The following STK11 variants were observed in gnomAD, a reference collection of about 807,000 sequenced individuals.
The protein encoded by STK11 is serine/threonine-protein kinase STK11.
Under a neutral mutation model 47.3 loss-of-function variants are expected in STK11, and 8 were observed. The observed-to-expected ratio is 0.17, with a 90% CI of 0.10 to 0.31. The LOEUF is 0.31. STK11 is among the 10% of genes least tolerant of loss of function. STK11 has a pLI of 1.00. For missense variants in STK11, 475 were observed against 605.0 expected, an observed-to-expected ratio of 0.79 and a Z score of 2.25; for synonymous variants, 330 against 255.8, an observed-to-expected ratio of 1.29 and a Z score of -2.77.
At chr19:1,222,606 G>T (rs1353177889) in intron 7 of STK11, among the ~76,000 whole-genome samples, 1 of 152,088 alleles carries the variant, frequency 6.6e-6, no homozygotes, top group African/African-American at 2.4e-5. Flanking sequence ...TGCACAGCTC[G>T]GGTCATCTGG....
intron 8 of STK11, chr19:1,224,037 G>T (rs927208976): frequency 2.0e-6 from 2 of 1,004,234 alleles, no homozygotes; most frequent in South Asian, 4.7e-5. Flanking sequence ...CCCCGGGCCC[G>T]AGGGTCCCAG....
intron 1 of STK11, among the ~76,000 whole-genome samples, chr19:1,213,945 C>G (rs1003316695): frequency 6.6e-6 from 1 of 152,246 alleles, no homozygotes; most frequent in Non-Finnish European, 1.5e-5. Flanking sequence ...AGGCTCCTAG[C>G]CCCACCTCTC....
chr19:1,209,499 T>C (rs1275196526), intron 1 of STK11, among the ~76,000 whole-genome samples: 1 of 152,080 alleles, frequency 6.6e-6, no homozygotes, highest in Non-Finnish European at 1.5e-5. Flanking sequence ...AGAACATTGC[T>C]GGAGCCTGGG....
rs1044376073 is a variant in STK11, at chr19:1,223,878, T to C, written c.1108+706T>C. On this transcript the variant is annotated intron_variant, in intron 8 of 9. Transcript: ENST00000326873. ...GTCATAAAGAGTTTTGCAGTGTATC[T>C]GCAGGGTGGATGCTTGCTGCGCTCG... is the stretch of plus-strand genomic sequence containing the variant. 7 of 1,018,606 alleles carry C rather than the reference T, an allele frequency of 6.9e-6. No homozygotes were observed. In the African/African-American group the frequency reaches 1.0e-4, roughly 15 times the overall value. 63.1% of individuals were successfully genotyped at this position (1,018,606 alleles called of 1,614,324 possible). A position where few individuals can be genotyped will look rare whatever the true frequency, so the allele number is the denominator to read the frequency against.
chr19:1,211,588 G>A (rs892705623), intron 1 of STK11, among the ~76,000 whole-genome samples: 1 of 152,216 alleles, frequency 6.6e-6, no homozygotes, highest in African/African-American at 2.4e-5. Context: ...GGGCTGCCGT[G>A]AGCGCACAGC....
Position 1,223,104 on chromosome 19 carries a change from CGGACGA to C in STK11, c.1051_1056del (p.Glu351_Asp352del), listed in dbSNP as rs762810203. On this transcript the variant is annotated inframe_deletion, in exon 8 of 10. Transcript: ENST00000326873. ...CCGTACTTGGAGGACCTGCACGGCG[CGGACGA>C]GGACGAGGACCTCTTCGACATCGAG... The C allele has an allele frequency of 1.9e-6, 3 of 1,611,182 alleles. No individual in the cohort carries two copies. Among genetic ancestry groups the C allele is most frequent in the South Asian group, 2.2e-5 (2 of 90,692 alleles).
At chr19:1,216,772 A>G (rs1231780417) in intron 1 of STK11, among the ~76,000 whole-genome samples, 1 of 150,044 alleles carries the variant, frequency 6.7e-6, no homozygotes, top group Non-Finnish European at 1.5e-5. Flanking sequence ...CGGGGCTGAG[A>G]TGGGAGGATC....
chr19:1,226,566 G>C lies in STK11; in HGVS notation c.1221G>C (p.Glu407Asp), dbSNP rs1568717266. Residue 407 changes from glutamate (E) to aspartate (D), a missense_variant, in exon 9 of 10, where the codon GAG becomes GAC. This residue lies in a region of STK11 where 219 missense variants were observed against 189.2 expected (regional missense o/e 1.16). Coordinates refer to ENST00000326873, the MANE Select transcript of STK11 (RefSeq NM_000455.5). ...AGCTGAGCACCAAATCCAGGGCGGA[G>C]GGCCGGGCCCCCAACCCTGCCCGCA... ...AAQLSTKSRA[E>D]GRAPNPARKA... The C allele has an allele frequency of 6.3e-7, 1 of 1,591,332 alleles. No homozygotes were observed. Among genetic ancestry groups the C allele is most frequent in the Non-Finnish European group, 8.5e-7 (1 of 1,170,432 alleles).
chr19:1,219,915 GC>G (rs1333273783), intron 3 of STK11: 27 of 192,606 alleles, frequency 1.4e-4, no homozygotes, highest in African/African-American at 6.1e-4. Flanking sequence ...CAGGGCTGCT[GC>G]CAACCTCCCG....
At chr19:1,211,457 T>G (rs1599919588) in intron 1 of STK11, among the ~76,000 whole-genome samples, 1 of 39,296 alleles carries the variant, frequency 2.5e-5, no homozygotes, top group Non-Finnish European at 4.5e-5. Flanking sequence ...CACAGTGGGG[T>G]TCTGGGGGGG....
At chr19:1,220,114 G>A (rs1170623263) in intron 3 of STK11, 4 of 474,824 alleles carry the variant, frequency 8.4e-6, no homozygotes, top group Non-Finnish European at 1.1e-5. Context: ...GGGTGCAGCC[G>A]GCCTGTGGCC....
At chr19:1,216,041 G>A (rs2080742687) in intron 1 of STK11, among the ~76,000 whole-genome samples, 1 of 151,578 alleles carries the variant, frequency 6.6e-6, no homozygotes, top group Non-Finnish European at 1.5e-5. Flanking sequence ...CCCCCCAGCT[G>A]TTTTTTATGC....
chr19:1,225,029 T>C (rs36078268), intron 8 of STK11: 199,437 of 985,600 alleles, frequency 0.2, 21,007 homozygotes, highest in East Asian at 0.32. Flanking sequence ...CACTTTGGCC[T>C]CACGTGTCCC....
At chr19:1,218,353 C>T (rs2145420240) in intron 1 of STK11, 64 bp from the exon 2 acceptor site, 2 of 1,394,840 alleles carry the variant, frequency 1.4e-6, no homozygotes, top group Admixed American at 1.7e-5. Flanking sequence ...AGGCCGACTC[C>T]AGGGATCCAG....
At chr19:1,225,423 G>A (rs2080814044) in intron 8 of STK11, 2 of 781,476 alleles carry the variant, frequency 2.6e-6, no homozygotes, top group African/African-American at 3.8e-5. Context: ...GTGCGCGCCA[G>A]CATGCCCGGC....
At chr19:1,211,820 A>G (rs968262874) in intron 1 of STK11, among the ~76,000 whole-genome samples, 3 of 152,162 alleles carry the variant, frequency 2.0e-5, no homozygotes, top group African/African-American at 7.2e-5. Flanking sequence ...GGTTGCGGCG[A>G]TGATTGGCAG....
intron 1 of STK11, among the ~76,000 whole-genome samples, chr19:1,214,343 A>G (rs750289574): frequency 6.6e-6 from 1 of 152,170 alleles, no homozygotes; most frequent in Non-Finnish European, 1.5e-5. Context: ...GTCCCTTTTA[A>G]TTAAACAGAC....
chr19:1,220,323 G>A (rs879189715), intron 3 of STK11, 50 bp from the exon 4 acceptor site: 4 of 1,569,928 alleles, frequency 2.5e-6, no homozygotes, highest in Non-Finnish European at 3.5e-6. Flanking sequence ...GGGGACCCCT[G>A]TGAGGGGCAG....
rs149200995 is a variant in STK11 at position 1,209,911 on chromosome 19, C to T, written c.290+2708C>T. On this transcript the variant is annotated intron_variant, in intron 1 of 9. Transcript: ENST00000326873. ...TTGGCAGGACCTGGACTGGACTGTGCGTCGCAGCTACCCACAGCTTGACCC... is the reference window on the plus strand; with the variant it reads ...TTGGCAGGACCTGGACTGGACTGTGTGTCGCAGCTACCCACAGCTTGACCC... 8.7e-3 allele frequency among the ~76,000 whole-genome samples: 1,323 copies of T among 152,216 alleles called. 8 individuals are homozygous for T. The highest frequency in any genetic ancestry group is 0.015 in the South Asian group (71 of 4,808).
Sources: allele counts gnomAD v4.1 joint callset (sites outside exome capture counted in the v4.1 genomes callset), GRCh38; gene constraint gnomAD v4.1.1; regional missense constraint gnomAD v4.1.1; transcripts MANE v1.5; gene names NCBI Gene and HGNC (gene_info 2026-07-23, HGNC 2026-07-21).